The following SMYD3 variants were observed in gnomAD, a reference collection of about 807,000 sequenced individuals.
The protein encoded by SMYD3 is histone-lysine N-methyltransferase SMYD3.
In SMYD3, 36 loss-of-function variants were observed where a neutral mutation model predicts 57.7. The observed-to-expected ratio is 0.62, with a 90% CI of 0.48 to 0.82. The LOEUF (loss-of-function observed/expected upper bound fraction) is 0.82. Ranked by LOEUF, SMYD3 falls within the 40% of genes least tolerant of loss-of-function variation. The probability of loss-of-function intolerance (pLI) is 0.00; values close to 1 mark genes in which losing one functional copy is unlikely to be tolerated. For missense variants in SMYD3, 515 were observed against 538.8 expected (o/e 0.96, Z 0.44); for synonymous variants, 211 against 195.0 (o/e 1.08, Z -0.68).
intron 1 of SMYD3, among the ~76,000 whole-genome samples, chr1:246,487,574 T>C (rs371512623): frequency 3.9e-5 from 6 of 152,220 alleles, no homozygotes; most frequent in African/African-American, 1.4e-4. Context: ...AAGAATGTGT[T>C]CATCTATAGA....
chr1:246,008,060 T>A (rs1244415418), intron 5 of SMYD3, among the ~76,000 whole-genome samples: 1 of 152,210 alleles, frequency 6.6e-6, no homozygotes, highest in Non-Finnish European at 1.5e-5. Context: ...GAAAGACTAC[T>A]GTCCTACGAA....
chr1:245,871,086 C>T (rs1189450097), intron 8 of SMYD3, among the ~76,000 whole-genome samples: 3 of 152,198 alleles, frequency 2.0e-5, no homozygotes, highest in African/African-American at 7.2e-5. Context: ...TGAACACTTA[C>T]AAACTTTTCC....
chr1:245,917,853 C>CA (rs1197946291), intron 7 of SMYD3, among the ~76,000 whole-genome samples: 2 of 152,098 alleles, frequency 1.3e-5, no homozygotes, highest in Non-Finnish European at 2.9e-5. Context: ...TGAAGGGATG[C>CA]AAAAAACTCC....
At chr1:246,472,708 C>CA (rs888932180) in intron 1 of SMYD3, among the ~76,000 whole-genome samples, 1 of 152,106 alleles carries the variant, frequency 6.6e-6, no homozygotes, top group African/African-American at 2.4e-5. Flanking sequence ...CACACTACTG[C>CA]ACTCCAGCCT....
Position 245,749,919 on chromosome 1 carries a change from A to T in SMYD3, c.1186-255T>A, listed in dbSNP as rs181376497. 3.7e-4 allele frequency among the ~76,000 whole-genome samples: 57 copies of T among 152,330 alleles called. 1 individual carries two copies. In the Middle Eastern group the frequency reaches 0.01, roughly 27 times the overall value. On this transcript the variant is annotated intron_variant, in intron 11 of 11. Coordinates refer to ENST00000490107, the MANE Select transcript of SMYD3 (RefSeq NM_001167740.2). ...GGCCCAGTGACAATCGATGATCTTC[A>T]AAGACTGTCAGTGCACAGGTTTGGT...
intron 5 of SMYD3, among the ~76,000 whole-genome samples, chr1:246,229,678 G>A (rs549804269): frequency 4.0e-4 from 61 of 152,302 alleles, no homozygotes; most frequent in Non-Finnish European, 7.1e-4. Context: ...GAAGGCAAGG[G>A]GCGAGATACA....
intron 10 of SMYD3, among the ~76,000 whole-genome samples, chr1:245,785,330 A>C (rs761225905): frequency 6.6e-6 from 1 of 152,138 alleles, no homozygotes; most frequent in African/African-American, 2.4e-5. Flanking sequence ...ATCCTCCACT[A>C]AAGTAATTTC....
intron 5 of SMYD3, among the ~76,000 whole-genome samples, chr1:246,123,725 T>C (rs1008473882): frequency 6.6e-6 from 1 of 152,192 alleles, no homozygotes; most frequent in African/African-American, 2.4e-5. Flanking sequence ...TACATGCTTG[T>C]ATTGTTTTAC....
At chr1:246,320,295 T>G (rs1464778024) in intron 5 of SMYD3, among the ~76,000 whole-genome samples, 1 of 152,132 alleles carries the variant, frequency 6.6e-6, no homozygotes, top group African/African-American at 2.4e-5. Context: ...ACAGCTAATA[T>G]AATTAAAAAT....
rs34929779 is a variant in SMYD3 at position 245,753,251 on chromosome 1, G to GAA, written c.1186-3589_1186-3588dup. On this transcript the variant is annotated intron_variant, in intron 11 of 11. Coordinates refer to ENST00000490107, the MANE Select transcript of SMYD3 (RefSeq NM_001167740.2). ...GGCAGAGAACTAATCTGAAGCAACT[G>GAA]AAAAAAAAAAAAAAGAAACTACATC... Among the ~76,000 whole-genome samples the GAA allele has an allele frequency of 3.5e-3, 390 of 111,606 alleles. 2 individuals carry two copies. The highest frequency in any genetic ancestry group is 0.011 in the African/African-American group (345 of 30,390). 73.2% of individuals were successfully genotyped at this position (111,606 alleles called of 152,430 possible). A position where few individuals can be genotyped will look rare whatever the true frequency, so the allele number is the denominator to read the frequency against.
intron 8 of SMYD3, among the ~76,000 whole-genome samples, chr1:245,886,727 T>C (rs1390181564): frequency 6.6e-6 from 1 of 152,164 alleles, no homozygotes; most frequent in Non-Finnish European, 1.5e-5. Flanking sequence ...TTGCCCGATA[T>C]TTGAATTTTT....
chr1:246,178,948 T>G (rs1436561472), intron 5 of SMYD3: 2 of 152,564 alleles, frequency 1.3e-5, no homozygotes, highest in Non-Finnish European at 2.9e-5. Context: ...ACCCAGGCCT[T>G]AGGGGAATGG....
chr1:246,000,143 T>C (rs984672719), intron 5 of SMYD3, among the ~76,000 whole-genome samples: 7 of 152,210 alleles, frequency 4.6e-5, no homozygotes, highest in African/African-American at 1.7e-4. Context: ...TGATAAGATA[T>C]ATAAATCATG....
chr1:245,848,243 A>G (rs988540827), intron 10 of SMYD3, among the ~76,000 whole-genome samples: 5 of 151,540 alleles, frequency 3.3e-5, no homozygotes, highest in African/African-American at 1.2e-4. Context: ...AGCTGGAACT[A>G]TAGGCTTGAG....
intron 5 of SMYD3, among the ~76,000 whole-genome samples, chr1:246,075,604 C>T (rs532328911): frequency 1.4e-4 from 22 of 152,090 alleles, no homozygotes; most frequent in Admixed American, 3.9e-4. Flanking sequence ...ACCGGAGGTG[C>T]TAAAGGAAGT....
At chr1:245,773,431 T>C (rs188059473) in intron 10 of SMYD3, among the ~76,000 whole-genome samples, 147 of 152,330 alleles carry the variant, frequency 9.7e-4, no homozygotes, top group Middle Eastern at 3.4e-3. Flanking sequence ...TTATTTTCAC[T>C]TCACACTGGA....
chr1:246,350,557 G>A (rs12080959), intron 2 of SMYD3, among the ~76,000 whole-genome samples: 6,133 of 152,216 alleles, frequency 0.04, 416 homozygotes, highest in African/African-American at 0.14. Context: ...GATGAGAATC[G>A]GAGATGACAC....
intron 7 of SMYD3, among the ~76,000 whole-genome samples, chr1:245,924,426 G>C (rs1260217712): frequency 6.6e-6 from 1 of 152,184 alleles, no homozygotes; most frequent in African/African-American, 2.4e-5. Context: ...TGTCCAAAGA[G>C]GGTCCAAAGG....
At chr1:246,003,354 C>A (rs2059113581) in intron 5 of SMYD3, among the ~76,000 whole-genome samples, 1 of 152,200 alleles carries the variant, frequency 6.6e-6, no homozygotes, top group Non-Finnish European at 1.5e-5. Context: ...TGGGACTTAT[C>A]ATGACCTAAT....
Sources: allele counts gnomAD v4.1 joint callset (sites outside exome capture counted in the v4.1 genomes callset), GRCh38; gene constraint gnomAD v4.1.1; transcripts MANE v1.5; gene names NCBI Gene and HGNC (gene_info 2026-07-23, HGNC 2026-07-21).